ASF1A: variants seen among roughly 807,000 people sequenced by gnomAD.
ASF1A encodes anti-silencing function 1A histone chaperone.
ASF1A carries 5 observed loss-of-function variants against 22.0 expected under a neutral mutation model. That is an observed-to-expected ratio of 0.23 (90% CI 0.12 to 0.48). ASF1A has a LOEUF of 0.48. Ranked by LOEUF, ASF1A falls within the 20% of genes least tolerant of loss-of-function variation. ASF1A has a pLI of 0.99. For synonymous variants in ASF1A, 97 were observed against 86.7 expected, an observed-to-expected ratio of 1.12 and a Z score of -0.66; for missense variants, 137 against 240.6, an observed-to-expected ratio of 0.57 and a Z score of 2.85.
intron 2 of ASF1A, among the ~76,000 whole-genome samples, chr6:118,904,303 G>A (rs755539288): frequency 5.9e-5 from 9 of 152,164 alleles, no homozygotes; most frequent in Non-Finnish European, 1.0e-4. Flanking sequence ...ACTAGGTAGC[G>A]ATTTTATGCC....
At chr6:118,900,245 A>AG (rs756208990) in intron 1 of ASF1A, among the ~76,000 whole-genome samples, 7 of 152,186 alleles carry the variant, frequency 4.6e-5, no homozygotes, top group Non-Finnish European at 8.8e-5. Flanking sequence ...CTGAGCCATG[A>AG]GGGAGGTTTT....
chr6:118,894,437 T>C lies in ASF1A; in HGVS notation c.24T>C (p.Asn8=). The change falls in exon 1 of 4, where the codon AAT becomes AAC. Residue 8 remains asparagine, a synonymous_variant. Coordinates refer to ENST00000229595, the MANE Select transcript of ASF1A (RefSeq NM_014034.3). The part of the protein sequence containing the change: MAKVQVN[N]VVVLDNPSPF... Reference sequence around the variant, plus strand: ...ATATGGCAAAGGTTCAGGTGAACAATGTAGTGGTGCTGGATAACCCTTCTC... The same window carrying C: ...ATATGGCAAAGGTTCAGGTGAACAACGTAGTGGTGCTGGATAACCCTTCTC... 6.5e-7 allele frequency: 1 copy of C among 1,537,024 alleles called. No homozygotes were observed. The highest frequency in any genetic ancestry group is 8.7e-7 in the Non-Finnish European group (1 of 1,146,802).
intron 2 of ASF1A, among the ~76,000 whole-genome samples, chr6:118,905,386 C>T (rs1780110859): frequency 6.6e-6 from 1 of 152,126 alleles, no homozygotes; most frequent in East Asian, 1.9e-4. Flanking sequence ...AACCACCATG[C>T]AGTGTAGCCA....
intron 2 of ASF1A, 174 bp downstream of exon 2, chr6:118,901,055 C>G: frequency 3.6e-6 from 2 of 548,336 alleles, no homozygotes; most frequent in Non-Finnish European, 6.5e-6. Context: ...CAGAGGAACT[C>G]TTACTTCCTG....
chr6:118,901,836 C>T (rs1007155877), intron 2 of ASF1A, among the ~76,000 whole-genome samples: 5 of 152,146 alleles, frequency 3.3e-5, no homozygotes, highest in African/African-American at 9.7e-5. Flanking sequence ...TCTAACTCTT[C>T]CTATGCCTGA....
At chr6:118,900,165 CAGG>C (rs1562430173) in intron 1 of ASF1A, among the ~76,000 whole-genome samples, 1 of 152,098 alleles carries the variant, frequency 6.6e-6, no homozygotes, top group Non-Finnish European at 1.5e-5. Context: ...ATGTATGACA[CAGG>C]GGGGTGCCGT....
chr6:118,896,474 C>T (rs549442980), intron 1 of ASF1A, among the ~76,000 whole-genome samples: 1 of 152,084 alleles, frequency 6.6e-6, no homozygotes, highest in Non-Finnish European at 1.5e-5. Context: ...TTTTACATTG[C>T]ATAGATGAAA....
At position 118,905,699 on chromosome 6, in the gene ASF1A, C is replaced by G. The variant is rs1562432401; in HGVS notation, c.273C>G (p.Gly91=). The G allele has an allele frequency of 6.2e-7, 1 of 1,613,370 alleles. No homozygotes were observed. Among genetic ancestry groups the G allele is most frequent in the Non-Finnish European group, 8.5e-7 (1 of 1,179,582 alleles). Residue 91 remains glycine (G), a synonymous_variant, in exon 3 of 4, where the codon GGC becomes GGG. Transcript: ENST00000229595. Reference sequence around the variant, plus strand: ...TCATTCCAGATGCAGATGCAGTAGGCGTAACTGTTGTGCTAATTACTTGTA... The same window carrying G: ...TCATTCCAGATGCAGATGCAGTAGGGGTAACTGTTGTGCTAATTACTTGTA... ...PGLIPDADAV[G]VTVVLITCTY...
chr6:118,902,903 TTCTTC>T (rs780741262), intron 2 of ASF1A, among the ~76,000 whole-genome samples: 5 of 152,224 alleles, frequency 3.3e-5, no homozygotes, highest in Admixed American at 6.5e-5. Flanking sequence ...AAACATGTCT[TTCTTC>T]TGAGTGAGTC....
intron 1 of ASF1A, among the ~76,000 whole-genome samples, chr6:118,898,627 A>G (rs1050531867): frequency 2.0e-5 from 3 of 152,102 alleles, no homozygotes; most frequent in African/African-American, 7.2e-5. Flanking sequence ...CATGTTTGCC[A>G]GGCTGGTCTC....
chr6:118,907,055 A>G (rs1583623886), intron 3 of ASF1A, among the ~76,000 whole-genome samples: 1 of 152,228 alleles, frequency 6.6e-6, no homozygotes, highest in East Asian at 1.9e-4. Context: ...TCTAAACAAC[A>G]TAGTAGCTTG....
chr6:118,906,680 A>G (rs1780199185), intron 3 of ASF1A, among the ~76,000 whole-genome samples: 2 of 152,216 alleles, frequency 1.3e-5, no homozygotes, highest in Non-Finnish European at 2.9e-5. Context: ...TCTGAGTGAG[A>G]AGCTGAAATC....
At chr6:118,895,252 C>T (rs1383559578) in intron 1 of ASF1A, among the ~76,000 whole-genome samples, 1 of 151,978 alleles carries the variant, frequency 6.6e-6, no homozygotes, top group African/African-American at 2.4e-5. Flanking sequence ...TTCGGCCGGT[C>T]CTCCTCGGCC....
intron 1 of ASF1A, among the ~76,000 whole-genome samples, chr6:118,894,727 C>CT (rs1334988762): frequency 6.6e-6 from 1 of 152,184 alleles, no homozygotes; most frequent in African/African-American, 2.4e-5. Flanking sequence ...CCGGGCTCAA[C>CT]TTGCGAGGAA....
chr6:118,907,299 C>G, intron 3 of ASF1A, 103 bp from the exon 4 acceptor site: 1 of 737,778 alleles, frequency 1.4e-6, no homozygotes, highest in South Asian at 1.8e-5. Flanking sequence ...TGAACTTAGC[C>G]CTTTAGGAGT....
intron 1 of ASF1A, among the ~76,000 whole-genome samples, chr6:118,900,226 C>G (rs1202734840): frequency 6.6e-6 from 1 of 152,140 alleles, no homozygotes. Flanking sequence ...GAGCTGAAGC[C>G]ACTTACTTCT....
chr6:118,894,472 A>G lies in ASF1A; in HGVS notation c.59A>G (p.Asn20Ser). ...VVLDNPSPFY[N>S]PFQFEITFEC... ...CTGGATAACCCTTCTCCTTTCTACA[A>G]CCCGTTCCAGTTCGAGATCACCTTC... Residue 20 changes from asparagine (N) to serine (S), a missense_variant, in exon 1 of 4, where the codon AAC becomes AGC. Asn to Ser is a conservative substitution (Grantham distance 46, BLOSUM62 1). This residue lies in a region of ASF1A where 96 missense variants were observed against 196.7 expected (regional missense o/e 0.49). Transcript: ENST00000229595. The G allele has an allele frequency of 2.0e-6, 3 of 1,536,884 alleles. No individual in the cohort carries two copies. The highest frequency in any genetic ancestry group is 2.6e-6 in the Non-Finnish European group (3 of 1,146,774).
chr6:118,894,231 G>T lies in ASF1A; in HGVS notation c.-183G>T. The stretch of plus-strand genomic sequence containing the variant: ...GGCTGTAGTTTAGTGAAATAGGAAA[G>T]CTGCAAAACACTGTGGAGTGCTCCC... On this transcript the variant is annotated 5_prime_UTR_variant, in exon 1 of 4. Transcript: ENST00000229595. The T allele has an allele frequency of 7.0e-7, 1 of 1,419,848 alleles. No individual in the cohort carries two copies. The highest frequency in any genetic ancestry group is 9.2e-7 in the Non-Finnish European group (1 of 1,091,312). 88.0% of individuals were successfully genotyped at this position (1,419,848 alleles called of 1,614,324 possible).
At chr6:118,907,001 A>G (rs2114557091) in intron 3 of ASF1A, among the ~76,000 whole-genome samples, 1 of 152,344 alleles carries the variant, frequency 6.6e-6, no homozygotes, top group African/African-American at 2.4e-5. Context: ...ATTAATAATA[A>G]GTTGTATTTG....
Sources: allele counts gnomAD v4.1 joint callset (sites outside exome capture counted in the v4.1 genomes callset), GRCh38; gene constraint gnomAD v4.1.1; regional missense constraint gnomAD v4.1.1; transcripts MANE v1.5; gene names NCBI Gene and HGNC (gene_info 2026-07-23, HGNC 2026-07-21).